The following SPOCK1 variants were observed in gnomAD, a reference collection of about 807,000 sequenced individuals.
SPOCK1 encodes the protein SPARC (osteonectin), cwcv and kazal like domains proteoglycan 1, also known as testican-1.
SPOCK1 carries 23 observed loss-of-function variants against 55.3 expected under a neutral mutation model. The observed-to-expected ratio is 0.42, with a 90% confidence interval of 0.30 to 0.59. SPOCK1 has a LOEUF of 0.59. Among genes scored for constraint, SPOCK1 ranks in the 20% least tolerant of loss-of-function variants. SPOCK1 has a pLI of 0.22. For synonymous variants in SPOCK1, 226 were observed against 221.0 expected (o/e 1.02, Z -0.20); for missense variants, 499 against 552.5 (o/e 0.90, Z 0.97).
chr5:137,164,579 T>G (rs1000374659), intron 3 of SPOCK1, among the ~76,000 whole-genome samples: 3 of 152,128 alleles, frequency 2.0e-5, no homozygotes, highest in African/African-American at 7.2e-5. Flanking sequence ...GGTACCAACT[T>G]GGCCACAGTG....
chr5:137,038,093 G>A (rs1580719465), intron 6 of SPOCK1, among the ~76,000 whole-genome samples: 2 of 152,188 alleles, frequency 1.3e-5, no homozygotes, highest in South Asian at 4.1e-4. Flanking sequence ...GGAACATGAA[G>A]CAAAAGCCTC....
intron 6 of SPOCK1, among the ~76,000 whole-genome samples, chr5:137,023,583 CTG>C (rs1406571297): frequency 6.6e-6 from 1 of 152,104 alleles, no homozygotes; most frequent in African/African-American, 2.4e-5. Flanking sequence ...ATATACCAGA[CTG>C]GGGCTAGAAG....
At chr5:137,450,889 C>T in intron 2 of SPOCK1, among the ~76,000 whole-genome samples, 1 of 152,112 alleles carries the variant, frequency 6.6e-6, no homozygotes, top group Non-Finnish European at 1.5e-5. Context: ...CTCACCCAAA[C>T]TATTAAAATA....
intron 2 of SPOCK1, among the ~76,000 whole-genome samples, chr5:137,396,817 T>C (rs966542523): frequency 3.3e-5 from 5 of 152,200 alleles, no homozygotes; most frequent in Non-Finnish European, 7.3e-5. Context: ...ATTGAGTGAC[T>C]TATCTGGCCT....
chr5:137,265,098 CT>C (rs1756824042), intron 3 of SPOCK1, among the ~76,000 whole-genome samples: 1 of 152,112 alleles, frequency 6.6e-6, no homozygotes, highest in Admixed American at 6.5e-5. Flanking sequence ...GAGAAAAATC[CT>C]CGTTTGAACT....
At chr5:137,016,353 G>A (rs1184765161) in intron 6 of SPOCK1, among the ~76,000 whole-genome samples, 1 of 152,202 alleles carries the variant, frequency 6.6e-6, no homozygotes, top group Non-Finnish European at 1.5e-5. Context: ...CAGAAAGTGG[G>A]TATTTAACAA....
At chr5:137,140,739 G>A in intron 3 of SPOCK1, 45 bp from the exon 4 acceptor site, 2 of 800,814 alleles carry the variant, frequency 2.5e-6, no homozygotes, top group Non-Finnish European at 3.8e-6. Flanking sequence ...GACCTCCAGG[G>A]AAATTTAATT....
intron 2 of SPOCK1, among the ~76,000 whole-genome samples, chr5:137,335,650 G>T (rs555064323): frequency 6.6e-6 from 1 of 152,158 alleles, no homozygotes; most frequent in Non-Finnish European, 1.5e-5. Flanking sequence ...AAGATTTAAG[G>T]CCTCCCTCTT....
chr5:137,464,168 G>A (rs1468455888), intron 2 of SPOCK1, among the ~76,000 whole-genome samples: 2 of 152,056 alleles, frequency 1.3e-5, no homozygotes, highest in Non-Finnish European at 2.9e-5. Context: ...AAGTATGATG[G>A]TGCAGGCCCG....
intron 2 of SPOCK1, among the ~76,000 whole-genome samples, chr5:137,373,001 G>A (rs1157185401): frequency 3.3e-5 from 5 of 152,182 alleles, no homozygotes; most frequent in South Asian, 2.1e-4. Context: ...AAAGGCTTGA[G>A]GCTGTGAGTT....
At position 137,498,488 on chromosome 5, in the gene SPOCK1, A is replaced by G. The variant is rs1321580135; in HGVS notation, c.71T>C (p.Leu24Pro). ...GCCCGCGCCTCCGGCGAGCGCGTCC[A>G]GGTGCCGGCTCTCGACTTGGAGGAA... ...WCFLQVESRH[L>P]DALAGGAGPN... The change falls in exon 2 of 11, where the codon CTG becomes CCG. Residue 24 changes from leucine (L) to proline (P), a missense_variant. Around this residue, in one of 3 missense-constraint regions of SPOCK1, gnomAD observed 386 missense variants for 400.6 expected, o/e 0.96. Transcript: ENST00000394945. 6.3e-7 allele frequency: 1 copy of G among 1,594,888 alleles called. No individual in the cohort carries two copies. The highest frequency in any genetic ancestry group is 1.3e-5 in the African/African-American group (1 of 74,630).
chr5:137,217,222 C>T (rs1284536041), intron 3 of SPOCK1, among the ~76,000 whole-genome samples: 1 of 152,220 alleles, frequency 6.6e-6, no homozygotes, highest in Non-Finnish European at 1.5e-5. Flanking sequence ...GACAAAGCAG[C>T]ACTTTGCTTC....
intron 2 of SPOCK1, among the ~76,000 whole-genome samples, chr5:137,292,165 T>C (rs1276348747): frequency 6.6e-6 from 1 of 152,164 alleles, no homozygotes; most frequent in Non-Finnish European, 1.5e-5. Context: ...TAAGCCAGCC[T>C]GAACTAAATT....
At chr5:137,022,606 T>C (rs1367861094) in intron 6 of SPOCK1, among the ~76,000 whole-genome samples, 1 of 152,214 alleles carries the variant, frequency 6.6e-6, no homozygotes, top group Non-Finnish European at 1.5e-5. Flanking sequence ...AATGAAGCCC[T>C]GCTACTAAGT....
intron 2 of SPOCK1, among the ~76,000 whole-genome samples, chr5:137,271,793 A>G (rs368407700): frequency 0.034 from 1,061 of 30,754 alleles, 26 homozygotes; most frequent in African/African-American, 0.21. Flanking sequence ...GAAGATGATA[A>G]TGTAATTGTA....
intron 3 of SPOCK1, among the ~76,000 whole-genome samples, chr5:137,161,330 C>G (rs1315177993): frequency 6.6e-6 from 1 of 151,634 alleles, no homozygotes. Context: ...GGGCATGGAA[C>G]ATGTCAGTTG....
chr5:137,483,796 A>G (rs1444134597), intron 2 of SPOCK1, among the ~76,000 whole-genome samples: 1 of 152,192 alleles, frequency 6.6e-6, no homozygotes, highest in Non-Finnish European at 1.5e-5. Context: ...CTTCTGGGGC[A>G]AAATCTCCTG....
intron 6 of SPOCK1, among the ~76,000 whole-genome samples, chr5:137,029,090 CAGAG>C (rs534129311): frequency 5.9e-5 from 9 of 152,166 alleles, no homozygotes; most frequent in Non-Finnish European, 1.3e-4. Context: ...ATCTGGCTCT[CAGAG>C]AGCCATACCC....
chr5:137,014,278 C>A (rs1751408513), intron 6 of SPOCK1, among the ~76,000 whole-genome samples: 1 of 152,148 alleles, frequency 6.6e-6, no homozygotes, highest in East Asian at 1.9e-4. Flanking sequence ...GAAGCACTTG[C>A]CAGCACTATG....
Sources: gnomAD v4.1 joint callset for allele counts (sites outside exome capture counted in the v4.1 genomes callset) on GRCh38, gnomAD v4.1.1 for gene constraint, gnomAD v4.1.1 regional missense constraint, MANE v1.5 for transcripts, NCBI Gene and HGNC (gene_info 2026-07-23, HGNC 2026-07-21) for gene names.